The following ARHGAP21 variants were observed in gnomAD, a reference collection of about 807,000 sequenced individuals.
ARHGAP21 encodes the protein Rho GTPase activating protein 21.
In ARHGAP21, 38 loss-of-function variants were observed where a neutral mutation model predicts 164.6. The ratio of observed to expected loss-of-function variants is 0.23; its 90% confidence interval spans 0.18 to 0.30. ARHGAP21 has a LOEUF of 0.30. Ranked by LOEUF, ARHGAP21 falls within the 10% of genes least tolerant of loss-of-function variation. The pLI, the probability that ARHGAP21 is intolerant of heterozygous loss-of-function variation, is 1.00. For missense variants in ARHGAP21, 1,822 were observed against 2,370.7 expected, an observed-to-expected ratio of 0.77 and a Z score of 4.81; for synonymous variants, 766 against 857.9, an observed-to-expected ratio of 0.89 and a Z score of 1.87.
chr10:24,718,142 C>T (rs953962505), intron 2 of ARHGAP21, among the ~76,000 whole-genome samples: 1 of 152,158 alleles, frequency 6.6e-6, no homozygotes, highest in African/African-American at 2.4e-5. Flanking sequence ...CTCCACAAGA[C>T]TTTGCATATG....
intron 24 of ARHGAP21, chr10:24,590,990 C>T (rs1187088026): frequency 5.8e-6 from 5 of 867,578 alleles, no homozygotes; most frequent in African/African-American, 1.8e-5. Flanking sequence ...ATGCTCATTT[C>T]CCTCATAGTT....
chr10:24,624,634 C>T (rs535902300), intron 7 of ARHGAP21, among the ~76,000 whole-genome samples: 7 of 151,842 alleles, frequency 4.6e-5, no homozygotes, highest in African/African-American at 1.7e-4. Flanking sequence ...ACCACCGAGC[C>T]CGGGTAGAAC....
intron 4 of ARHGAP21, among the ~76,000 whole-genome samples, chr10:24,650,381 T>C (rs946276250): frequency 1.3e-5 from 2 of 151,938 alleles, no homozygotes; most frequent in South Asian, 4.2e-4. Context: ...AAAAGCAACA[T>C]GTAGATAGGA....
chr10:24,652,607 A>C (rs1838297129), intron 4 of ARHGAP21, among the ~76,000 whole-genome samples: 2 of 152,216 alleles, frequency 1.3e-5, no homozygotes, highest in African/African-American at 4.8e-5. Flanking sequence ...ACAATATTTA[A>C]AGAATGCCTA....
At chr10:24,613,636 C>T (rs966213443) in intron 9 of ARHGAP21, among the ~76,000 whole-genome samples, 5 of 152,130 alleles carry the variant, frequency 3.3e-5, no homozygotes, top group Non-Finnish European at 7.4e-5. Flanking sequence ...ATTCCCTATT[C>T]ACGTTTGCCA....
In ARHGAP21 at chr10:24,584,880, T is replaced by C. The variant is rs745673463; in HGVS notation, c.5409A>G (p.Thr1803=). 1 of 1,613,936 alleles carries C rather than the reference T, an allele frequency of 6.2e-7. No individual in the cohort carries two copies. Among genetic ancestry groups the C allele is most frequent in the Admixed American group, 1.7e-5 (1 of 60,006 alleles). Residue 1803 remains threonine, a synonymous_variant, in exon 26 of 26, where the codon ACA becomes ACG. Transcript: ENST00000396432. ...CGGTAGCATCTCTGTGCCCTCCTAG[T>C]GTATGTCTGCGCCGGATGCTTTTCC... ...AKRKSIRRRH[T]LGGHRDATEI... is the part of the protein sequence containing the mutation.
chr10:24,659,218 A>G (rs1297993749), intron 4 of ARHGAP21, among the ~76,000 whole-genome samples: 2 of 152,236 alleles, frequency 1.3e-5, no homozygotes, highest in Non-Finnish European at 2.9e-5. Context: ...ACAAGAATTC[A>G]GACAAACACC....
chr10:24,680,878 C>T (rs1230029088), intron 2 of ARHGAP21, among the ~76,000 whole-genome samples: 3 of 152,146 alleles, frequency 2.0e-5, no homozygotes, highest in African/African-American at 7.2e-5. Flanking sequence ...ATTCATGTAT[C>T]AGAGTGCAAG....
At chr10:24,602,252 C>A (rs560826180) in intron 12 of ARHGAP21, 149 bp from the exon 13 acceptor site, 6 of 847,446 alleles carry the variant, frequency 7.1e-6, no homozygotes, top group Non-Finnish European at 1.0e-5. Flanking sequence ...TTAAAAATTT[C>A]TAGTCTCATT....
chr10:24,711,601 A>G (rs1015479387), intron 2 of ARHGAP21, among the ~76,000 whole-genome samples: 13 of 152,344 alleles, frequency 8.5e-5, no homozygotes, highest in African/African-American at 2.9e-4. Context: ...TCAAAAAAAG[A>G]TAAGTGCAGC....
intron 2 of ARHGAP21, among the ~76,000 whole-genome samples, chr10:24,687,903 A>C (rs754038601): frequency 2.4e-4 from 37 of 152,248 alleles, no homozygotes; most frequent in Non-Finnish European, 4.6e-4. Flanking sequence ...GATTATCTTG[A>C]CTATGATTAT....
In ARHGAP21 at chr10:24,655,363, T is replaced by C. The variant is rs931532018; in HGVS notation, c.268+11622A>G. On this transcript the variant is annotated intron_variant, in intron 4 of 25. Transcript: ENST00000396432. ...ACAGAATGGGAGGAAATTTTTACAA[T>C]CTACCCATCTGACAAAGGGCTAACA... Among the ~76,000 whole-genome samples, 28 of 152,256 alleles carry C rather than the reference T, an allele frequency of 1.8e-4. 1 individual carries two copies. The highest frequency in any genetic ancestry group is 3.4e-3 in the Middle Eastern group (1 of 294).
At chr10:24,623,734 T>C (rs1319326445) in intron 7 of ARHGAP21, among the ~76,000 whole-genome samples, 6 of 152,222 alleles carry the variant, frequency 3.9e-5, no homozygotes, top group Admixed American at 2.0e-4. Flanking sequence ...GTCAATGATG[T>C]AGGGCCACTT....
chr10:24,604,825 T>C (rs1240969441), intron 11 of ARHGAP21, among the ~76,000 whole-genome samples: 2 of 152,300 alleles, frequency 1.3e-5, no homozygotes, highest in Middle Eastern at 3.4e-3. Context: ...TTACAGACAG[T>C]CCTGGCCCTT....
chr10:24,637,120 C>A lies in ARHGAP21; in HGVS notation c.269-2017G>T, dbSNP rs145496129. 1.7e-4 allele frequency among the ~76,000 whole-genome samples: 26 copies of A among 152,324 alleles called. No individual in the cohort carries two copies. In the East Asian group the frequency reaches 3.7e-3, roughly 21 times the overall value. ...GACTCAGTAACTTGCTAAGAGGCAG[C>A]ATAGGGATTTGAACCCTCAGGCCTG... is the stretch of plus-strand genomic sequence containing the variant. On this transcript the variant is annotated intron_variant, in intron 4 of 25. Coordinates refer to ENST00000396432, the MANE Select transcript of ARHGAP21 (RefSeq NM_020824.4).
intron 4 of ARHGAP21, among the ~76,000 whole-genome samples, chr10:24,666,117 C>T (rs750931817): frequency 6.6e-6 from 1 of 152,200 alleles, no homozygotes; most frequent in Non-Finnish European, 1.5e-5. Context: ...GCAAGCTCTG[C>T]CTCCCAGGTT....
chr10:24,587,842 AC>A (rs1323837594), intron 25 of ARHGAP21, among the ~76,000 whole-genome samples: 58 of 152,310 alleles, frequency 3.8e-4, no homozygotes, highest in Admixed American at 2.3e-3. Context: ...CTACTTTTCT[AC>A]AGAGACTGTT....
intron 2 of ARHGAP21, among the ~76,000 whole-genome samples, chr10:24,701,171 G>A (rs1278167002): frequency 6.6e-6 from 1 of 151,788 alleles, no homozygotes; most frequent in African/African-American, 2.4e-5. Flanking sequence ...CAGGGAGAAA[G>A]CAGTAAAAAT....
At chr10:24,618,193 T>A (rs778306127) in intron 9 of ARHGAP21, among the ~76,000 whole-genome samples, 5 of 152,202 alleles carry the variant, frequency 3.3e-5, no homozygotes, top group African/African-American at 4.8e-5. Context: ...TGATGAGAAC[T>A]GTATTGTTGT....
Sources: allele counts gnomAD v4.1 joint callset (sites outside exome capture counted in the v4.1 genomes callset), GRCh38; gene constraint gnomAD v4.1.1; transcripts MANE v1.5; gene names NCBI Gene and HGNC (gene_info 2026-07-23, HGNC 2026-07-21).